The following ZBBX variants were observed in gnomAD, a reference collection of about 807,000 sequenced individuals.
ZBBX encodes zinc finger B-box domain containing, also known as zinc finger B-box domain-containing protein 1.
In ZBBX, 101 loss-of-function variants were observed where a neutral mutation model predicts 108.5. That is an observed-to-expected ratio of 0.93 (90% confidence interval 0.79 to 1.10). ZBBX has a LOEUF of 1.10. Among genes scored for constraint, ZBBX ranks in the 50% least tolerant of loss-of-function variants. ZBBX has a pLI of 0.00. For missense variants in ZBBX, 1,009 were observed against 941.4 expected (o/e 1.07, Z -0.94); for synonymous variants, 356 against 323.4 (o/e 1.10, Z -1.08).
intron 20 of ZBBX, among the ~76,000 whole-genome samples, chr3:167,251,914 G>T (rs1404278039): frequency 8.6e-6 from 1 of 115,892 alleles, no homozygotes; most frequent in Non-Finnish European, 1.7e-5. Flanking sequence ...TCATCATGAT[G>T]TTGTGCCTGC....
intron 9 of ZBBX, among the ~76,000 whole-genome samples, chr3:167,346,940 A>G (rs1024300445): frequency 8.6e-5 from 13 of 151,988 alleles, no homozygotes; most frequent in African/African-American, 3.1e-4. Flanking sequence ...AAATCAAGAA[A>G]TGATGACAGA....
the ZBBX span, among the ~76,000 whole-genome samples, chr3:167,218,628 A>G: frequency 1.3e-5 from 2 of 152,124 alleles, no homozygotes; most frequent in Non-Finnish European, 2.9e-5. Context: ...TACAACAGAT[A>G]CACAAAAAAA....
chr3:167,258,007 C>T (rs570259856), intron 20 of ZBBX, among the ~76,000 whole-genome samples: 9 of 152,100 alleles, frequency 5.9e-5, no homozygotes, highest in East Asian at 1.9e-4. Context: ...TAGTTTAATT[C>T]GGTCTCAGCT....
chr3:167,374,615 A>G (rs1365576984), intron 2 of ZBBX, among the ~76,000 whole-genome samples: 1 of 152,136 alleles, frequency 6.6e-6, no homozygotes, highest in Non-Finnish European at 1.5e-5. Context: ...TGCTATATAC[A>G]AGGCAATGTG....
intron 20 of ZBBX, among the ~76,000 whole-genome samples, chr3:167,281,343 T>C (rs905794307): frequency 6.6e-6 from 1 of 152,232 alleles, no homozygotes; most frequent in Admixed American, 6.5e-5. Flanking sequence ...TGGTGGGTTT[T>C]TATTTCTTTT....
chr3:167,263,788 A>T (rs780654394), intron 20 of ZBBX, among the ~76,000 whole-genome samples: 7 of 152,246 alleles, frequency 4.6e-5, no homozygotes, highest in Non-Finnish European at 1.0e-4. Flanking sequence ...TCTGTCTTCA[A>T]GATCTGCCCA....
intron 9 of ZBBX, among the ~76,000 whole-genome samples, chr3:167,346,462 C>A (rs1170939010): frequency 6.6e-6 from 1 of 151,832 alleles, no homozygotes; most frequent in East Asian, 1.9e-4. Context: ...CTCACAGGAC[C>A]TACTGGGCTG....
chr3:167,307,846 A>C lies in ZBBX; in HGVS notation c.1418-1896T>G, dbSNP rs1245748544. ...GATTAAATACTTAAATGTAAATCCC[A>C]AAACTATGAAAACCCTGGAAGACAA... On this transcript the variant is annotated intron_variant, in intron 16 of 21. Transcript: ENST00000675490. 2.6e-5 allele frequency among the ~76,000 whole-genome samples: 4 copies of C among 152,202 alleles called. No individual in the cohort carries two copies. The East Asian group carries it at 7.7e-4, about 29-fold the overall frequency.
rs1016213604 is a variant in ZBBX, at chr3:167,372,476, T to C, written c.68+358A>G. ...CCTTTATGTAAAGGGCTAAAGTATG[T>C]AGTGCTTTCTATTTCCTGGTTAGGG... On this transcript the variant is annotated intron_variant, in intron 4 of 21. Coordinates refer to ENST00000675490, the MANE Select transcript of ZBBX (RefSeq NM_001199201.2). Among the ~76,000 whole-genome samples the C allele has an allele frequency of 3.3e-5, 5 of 152,192 alleles. 1 individual carries two copies. The highest frequency in any genetic ancestry group is 5.9e-5 in the Non-Finnish European group (4 of 68,028).
chr3:167,355,013 A>T (rs1447233793), intron 8 of ZBBX, among the ~76,000 whole-genome samples: 1 of 151,966 alleles, frequency 6.6e-6, no homozygotes, highest in Non-Finnish European at 1.5e-5. Context: ...TAAAAATGTA[A>T]ATAAGGACTC....
chr3:167,373,019 C>T, intron 3 of ZBBX, 69 bp from the exon 4 acceptor site: 2 of 682,730 alleles, frequency 2.9e-6, no homozygotes, highest in Non-Finnish European at 4.6e-6. Flanking sequence ...ATTCAAAACT[C>T]CATATAATTC....
the ZBBX span, among the ~76,000 whole-genome samples, chr3:167,196,936 C>T: frequency 6.6e-6 from 1 of 152,226 alleles, no homozygotes; most frequent in Non-Finnish European, 1.5e-5. Context: ...GTAGCTACTC[C>T]AAGCATCCTA....
chr3:167,376,469 C>T (rs1486713245), intron 2 of ZBBX, among the ~76,000 whole-genome samples: 4 of 151,934 alleles, frequency 2.6e-5, no homozygotes, highest in African/African-American at 9.7e-5. Context: ...AAATAATTTC[C>T]AAAGTTAATC....
the ZBBX span, among the ~76,000 whole-genome samples, chr3:167,191,896 C>CATAT: frequency 0.075 from 5,030 of 67,064 alleles, 437 homozygotes; most frequent in Non-Finnish European, 0.094. Context: ...TTACAAAAAT[C>CATAT]ATATATATAT....
At chr3:167,258,569 T>C (rs541368896) in intron 20 of ZBBX, among the ~76,000 whole-genome samples, 1 of 150,408 alleles carries the variant, frequency 6.6e-6, no homozygotes, top group South Asian at 2.1e-4. Flanking sequence ...AGAGTAGACA[T>C]CCTGGTCTTG....
chr3:167,331,394 T>G (rs1046745110), intron 10 of ZBBX, among the ~76,000 whole-genome samples: 1 of 152,160 alleles, frequency 6.6e-6, no homozygotes, highest in Non-Finnish European at 1.5e-5. Flanking sequence ...AATATGTCAG[T>G]GTATGTATGT....
chr3:167,213,631 C>T, the ZBBX span, among the ~76,000 whole-genome samples: 3 of 152,164 alleles, frequency 2.0e-5, no homozygotes, highest in African/African-American at 7.2e-5. Context: ...TTCAGGATAT[C>T]ATCCATGAAA....
At chr3:167,362,335 T>G (rs531459187) in intron 6 of ZBBX, among the ~76,000 whole-genome samples, 46 of 152,150 alleles carry the variant, frequency 3.0e-4, no homozygotes, top group African/African-American at 1.1e-3. Context: ...CCAGGAAAGC[T>G]TAGTGGATTT....
chr3:167,206,104 T>C, the ZBBX span, among the ~76,000 whole-genome samples: 1 of 152,246 alleles, frequency 6.6e-6, no homozygotes, highest in Admixed American at 6.5e-5. Flanking sequence ...ATTTATCTTA[T>C]TTACTTGCAA....
Sources: allele counts gnomAD v4.1 joint callset (sites outside exome capture counted in the v4.1 genomes callset), GRCh38; gene constraint gnomAD v4.1.1; transcripts MANE v1.5; gene names NCBI Gene and HGNC (gene_info 2026-07-23, HGNC 2026-07-21).